HTR2A: variants seen among roughly 807,000 people sequenced by gnomAD.
HTR2A encodes 5-HT2 receptor.
Under a neutral mutation model 31.0 loss-of-function variants are expected in HTR2A, and 14 were observed. The observed-to-expected ratio is 0.45, with a 90% CI of 0.30 to 0.71. HTR2A has a LOEUF of 0.71. Among genes scored for constraint, HTR2A ranks in the 30% least tolerant of loss-of-function variants. The pLI is 0.09. For synonymous variants in HTR2A, 209 were observed against 225.2 expected (o/e 0.93, Z 0.64); for missense variants, 442 against 573.3 (o/e 0.77, Z 2.34).
rs879894746 is a variant in HTR2A, at chr13:46,831,761, C to T, written c.*3076G>A. ...ACAGTGACTTAGTTCAATTTGGCTACGGTAGCACTTTAAAAAATTACCATG... is the reference window on the plus strand; with the variant it reads ...ACAGTGACTTAGTTCAATTTGGCTATGGTAGCACTTTAAAAAATTACCATG... On this transcript the variant is annotated 3_prime_UTR_variant, in exon 4 of 4. Coordinates refer to ENST00000542664, the MANE Select transcript of HTR2A (RefSeq NM_000621.5). The T allele has an allele frequency of 4.6e-5, 7 of 152,184 alleles. No individual in the cohort carries two copies. The highest frequency in any genetic ancestry group is 1.3e-4 in the Admixed American group (2 of 15,276). 9.4% of individuals were successfully genotyped at this position (152,184 alleles called of 1,614,324 possible). A position where few individuals can be genotyped will look rare whatever the true frequency, so the allele number is the denominator to read the frequency against.
In HTR2A at chr13:46,833,582, T is replaced by A. The variant is rs1876327226; in HGVS notation, c.*1255A>T. On this transcript the variant is annotated 3_prime_UTR_variant, in exon 4 of 4. Transcript: ENST00000542664. ...GGTCTCACTTTGTTACCCAGGTTGG[T>A]CTCAAACTCTTGGCCTCAAGTGATC... 1 of 152,054 alleles carries A rather than the reference T, an allele frequency of 6.6e-6. No homozygotes were observed. Among genetic ancestry groups the A allele is most frequent in the South Asian group, 2.1e-4 (1 of 4,810 alleles). 9.4% of individuals were successfully genotyped at this position (152,054 alleles called of 1,614,324 possible).
At chr13:46,885,341 T>C (rs1328686881) in intron 3 of HTR2A, among the ~76,000 whole-genome samples, 1 of 152,182 alleles carries the variant, frequency 6.6e-6, no homozygotes, top group Non-Finnish European at 1.5e-5. Context: ...CTACTTGGTA[T>C]GGAGGGCGAT....
At chr13:46,861,089 A>T (rs959822464) in intron 3 of HTR2A, among the ~76,000 whole-genome samples, 8 of 152,188 alleles carry the variant, frequency 5.3e-5, no homozygotes, top group African/African-American at 1.9e-4. Flanking sequence ...GGAAAATACA[A>T]ATTTATTCTT....
chr13:46,882,209 G>A (rs1950971054), intron 3 of HTR2A, among the ~76,000 whole-genome samples: 1 of 143,118 alleles, frequency 7.0e-6, no homozygotes. Flanking sequence ...TCACAAGCAA[G>A]TGAAAATGGT....
chr13:46,893,928 C>A (rs1042327229), intron 2 of HTR2A, among the ~76,000 whole-genome samples: 3 of 152,316 alleles, frequency 2.0e-5, no homozygotes, highest in Non-Finnish European at 4.4e-5. Context: ...TAGGTACAAG[C>A]CTAATTTACA....
chr13:46,845,508 T>G (rs768249754), intron 3 of HTR2A, among the ~76,000 whole-genome samples: 3 of 152,088 alleles, frequency 2.0e-5, no homozygotes, highest in Non-Finnish European at 2.9e-5. Context: ...GTTTTGTTCC[T>G]TCATCCATCA....
intron 3 of HTR2A, among the ~76,000 whole-genome samples, chr13:46,869,543 C>T (rs1210271413): frequency 9.2e-5 from 14 of 152,044 alleles, no homozygotes. Flanking sequence ...AAAGATAGAA[C>T]TATCATATGA....
intron 3 of HTR2A, among the ~76,000 whole-genome samples, chr13:46,875,712 A>T (rs1950903414): frequency 6.6e-6 from 1 of 152,154 alleles, no homozygotes; most frequent in Non-Finnish European, 1.5e-5. Flanking sequence ...TCACCTACAG[A>T]AATCTTCCTA....
At chr13:46,878,329 T>C (rs1007086045) in intron 3 of HTR2A, among the ~76,000 whole-genome samples, 15 of 152,202 alleles carry the variant, frequency 9.9e-5, no homozygotes, top group African/African-American at 3.6e-4. Context: ...GTGAGTCTAA[T>C]GGGCTGAGTA....
chr13:46,891,343 C>T (rs911108048), intron 3 of HTR2A, among the ~76,000 whole-genome samples: 2 of 152,238 alleles, frequency 1.3e-5, no homozygotes, highest in African/African-American at 2.4e-5. Context: ...GGGCTTTGCA[C>T]AGCTCATTTT....
intron 3 of HTR2A, among the ~76,000 whole-genome samples, chr13:46,848,463 CTCTG>C (rs1254470190): frequency 1.3e-5 from 2 of 152,168 alleles, no homozygotes; most frequent in Non-Finnish European, 2.9e-5. Flanking sequence ...CTGTTAAGCT[CTCTG>C]TGTAAGTTTA....
intron 3 of HTR2A, among the ~76,000 whole-genome samples, chr13:46,861,273 G>A (rs1006293585): frequency 1.3e-5 from 2 of 152,164 alleles, no homozygotes; most frequent in South Asian, 2.1e-4. Flanking sequence ...TTGGGCTGAC[G>A]TGCAAAAGAA....
intron 3 of HTR2A, among the ~76,000 whole-genome samples, chr13:46,879,590 A>T (rs981817539): frequency 4.6e-5 from 7 of 152,192 alleles, no homozygotes; most frequent in African/African-American, 1.7e-4. Flanking sequence ...TACAATTGGA[A>T]GATGGGAGTA....
Position 46,895,789 on chromosome 13 carries a change from A to T in HTR2A, c.118T>A (p.Ser40Thr), listed in dbSNP as rs778501828. 2 of 1,614,174 alleles carry T rather than the reference A, an allele frequency of 1.2e-6. No homozygotes were observed. Among genetic ancestry groups the T allele is most frequent in the Non-Finnish European group, 1.7e-6 (2 of 1,180,032 alleles). ...NDFNSGEANT[S>T]DAFNWTVDSE... Reference sequence around the variant, plus strand: ...TCGACTGTCCAGTTAAATGCATCAGAAGTGTTAGCTTCTCCGGAGTTAAAG... The same window carrying T: ...TCGACTGTCCAGTTAAATGCATCAGTAGTGTTAGCTTCTCCGGAGTTAAAG... Residue 40 changes from serine to threonine, a missense_variant, in exon 2 of 4, where the codon TCT (serine) becomes ACT (threonine). Coordinates refer to ENST00000542664, the MANE Select transcript of HTR2A (RefSeq NM_000621.5). This position sits in a 1 kb window ranked among gnomAD's most constrained non-coding sequence, Gnocchi z 4.4.
intron 3 of HTR2A, among the ~76,000 whole-genome samples, chr13:46,848,445 A>G (rs76735101): frequency 1.3e-4 from 20 of 152,362 alleles, no homozygotes; most frequent in Non-Finnish European, 2.2e-4. Context: ...TAATGAGTCA[A>G]GGTAGAACTG....
chr13:46,872,266 CAAAT>C (rs1174126356), intron 3 of HTR2A, among the ~76,000 whole-genome samples: 1 of 152,098 alleles, frequency 6.6e-6, no homozygotes, highest in Non-Finnish European at 1.5e-5. Flanking sequence ...AACTCAAAGA[CAAAT>C]AAGACATAGC....
chr13:46,874,904 T>C (rs779258180), intron 3 of HTR2A, among the ~76,000 whole-genome samples: 1 of 152,240 alleles, frequency 6.6e-6, no homozygotes, highest in Non-Finnish European at 1.5e-5. Context: ...AAAACCACAG[T>C]GCTTGAAGCA....
rs1950707221 is a variant in HTR2A at position 46,853,601 on chromosome 13, A to C, written c.614-17962T>G. Among the ~76,000 whole-genome samples, 2 of 152,178 alleles carry C rather than the reference A, an allele frequency of 1.3e-5. 1 individual carries two copies. The highest frequency in any genetic ancestry group is 4.1e-4 in the South Asian group (2 of 4,820). On this transcript the variant is annotated intron_variant, in intron 3 of 3. Transcript: ENST00000542664. The stretch of plus-strand genomic sequence containing the variant: ...ATGTGCTGCTAAGGTTGAGATCCCC[A>C]GTCCCAGCCCTCTCCTGAAGCCACC...
chr13:46,872,349 T>G (rs189540027), intron 3 of HTR2A, among the ~76,000 whole-genome samples: 199 of 152,334 alleles, frequency 1.3e-3, no homozygotes, highest in African/African-American at 4.6e-3. Context: ...CTCTGTATAT[T>G]ACAAATGGAA....
Sources: allele counts gnomAD v4.1 joint callset (sites outside exome capture counted in the v4.1 genomes callset), GRCh38; gene constraint gnomAD v4.1.1; non-coding constraint Gnocchi (gnomAD v3.1); transcripts MANE v1.5; gene names NCBI Gene and HGNC (gene_info 2026-07-23, HGNC 2026-07-21).